ASH1L: variants seen among roughly 807,000 people sequenced by gnomAD.
ASH1L encodes ASH1 like histone lysine methyltransferase.
A neutral mutation model predicts 269.0 loss-of-function variants in ASH1L; 23 were observed. That is an observed-to-expected ratio of 0.09 (90% CI 0.06 to 0.12). ASH1L has a LOEUF of 0.12. Ranked by LOEUF, ASH1L falls within the 10% of genes least tolerant of loss-of-function variation. ASH1L has a pLI of 1.00. For synonymous variants in ASH1L, 1,187 were observed against 1,253.5 expected, an observed-to-expected ratio of 0.95 and a Z score of 1.12; for missense variants, 2,912 against 3,567.8, an observed-to-expected ratio of 0.82 and a Z score of 4.68.
intron 4 of ASH1L, among the ~76,000 whole-genome samples, chr1:155,455,954 G>A (rs954482702): frequency 1.3e-5 from 2 of 152,052 alleles, no homozygotes; most frequent in Admixed American, 1.3e-4. Flanking sequence ...ACATTGTTAA[G>A]TGTCACCTTT....
chr1:155,469,547 C>T (rs1255339011), intron 3 of ASH1L, among the ~76,000 whole-genome samples: 1 of 152,210 alleles, frequency 6.6e-6, no homozygotes. Flanking sequence ...TAAATATTGT[C>T]ATTCCTTCTC....
rs1654045597 is a variant in ASH1L, at chr1:155,352,746, C to T, written c.7326G>A (p.Gln2442=). The change falls in exon 17 of 28, where the codon CAG becomes CAA. Residue 2442 remains glutamine, a synonymous_variant. Coordinates refer to ENST00000392403, the MANE Select transcript of ASH1L (RefSeq NM_018489.3). ...TACCATCACAAATTTCTTTGAAGAT[C>T]TGGGCTAGGCGGGCTGCCCGAGCCA... ...IEVARAARLA[Q]IFKEICDGII... 6.2e-7 allele frequency: 1 copy of T among 1,612,904 alleles called. No homozygotes were observed. Among genetic ancestry groups the T allele is most frequent in the African/African-American group, 1.3e-5 (1 of 74,966 alleles).
rs1662322763 is a variant in ASH1L, at chr1:155,438,909, G to A, written c.5246C>T (p.Pro1749Leu). ...ATASAPPSSSPGRSHSKDRTL... is the reference protein window; with the variant it reads ...ATASAPPSSSLGRSHSKDRTL... ...TCGGTCCTTGCTGTGGCTACGGCCT[G>A]GACTGGAAGAAGGTGGTGCAGAGGC... The change falls in exon 5 of 28, where the codon CCA becomes CTA. Residue 1749 changes from proline (P) to leucine (L), a missense_variant. Around this residue, in one of 13 missense-constraint regions of ASH1L, gnomAD observed 789 missense variants for 897.6 expected, o/e 0.88. Coordinates refer to ENST00000392403, the MANE Select transcript of ASH1L (RefSeq NM_018489.3). The A allele has an allele frequency of 1.2e-6, 2 of 1,614,034 alleles. No homozygotes were observed. The highest frequency in any genetic ancestry group is 1.1e-5 in the South Asian group (1 of 91,088).
intron 2 of ASH1L, among the ~76,000 whole-genome samples, chr1:155,497,388 T>C (rs949673505): frequency 1.8e-4 from 27 of 152,250 alleles, no homozygotes; most frequent in Admixed American, 6.5e-5. Flanking sequence ...CTTCCACCTC[T>C]GCTACCCCTT....
chr1:155,375,496 C>T (rs1035561254), intron 10 of ASH1L, among the ~76,000 whole-genome samples: 11 of 152,024 alleles, frequency 7.2e-5, no homozygotes, highest in Non-Finnish European at 7.4e-5. Flanking sequence ...CCTTGAAAAA[C>T]GAGAGTTGGG....
At chr1:155,495,958 A>G (rs1411421949) in intron 2 of ASH1L, among the ~76,000 whole-genome samples, 1 of 152,160 alleles carries the variant, frequency 6.6e-6, no homozygotes, top group Non-Finnish European at 1.5e-5. Flanking sequence ...AGATCGTGCT[A>G]TTGCACTCCA....
intron 4 of ASH1L, among the ~76,000 whole-genome samples, chr1:155,458,985 T>C (rs531749190): frequency 2.1e-5 from 3 of 144,602 alleles, no homozygotes; most frequent in Admixed American, 7.0e-5. Context: ...ACACACAAAC[T>C]ATCCATAAAA....
rs1197512603 is a variant in ASH1L, at chr1:155,346,449, A to G, written c.7824T>C (p.Cys2608=). 6.2e-6 allele frequency: 10 copies of G among 1,613,918 alleles called. No homozygotes were observed. Among genetic ancestry groups the G allele is most frequent in the Admixed American group, 5.0e-5 (3 of 59,988 alleles). ...DKCMVWQHCD[C]MGVNSDVEHY... ...GCTCCACATCTGAGTTCACTCCCAT[A>G]CAATCACAGTGCTGCCATACCTGTA... The change falls in exon 21 of 28, where the codon TGT becomes TGC. Residue 2608 remains cysteine, a synonymous_variant. Transcript: ENST00000392403.
At chr1:155,394,108 C>A (rs1456432651) in intron 7 of ASH1L, among the ~76,000 whole-genome samples, 2 of 152,028 alleles carry the variant, frequency 1.3e-5, no homozygotes, top group Non-Finnish European at 2.9e-5. Context: ...GAAGCTGATA[C>A]TAACATTAAG....
At chr1:155,485,449 T>C (rs549970751) in intron 2 of ASH1L, among the ~76,000 whole-genome samples, 5 of 152,276 alleles carry the variant, frequency 3.3e-5, no homozygotes, top group East Asian at 3.9e-4. Context: ...GCCTTCTGAG[T>C]AGTTGGGCTA....
intron 3 of ASH1L, among the ~76,000 whole-genome samples, chr1:155,473,947 T>C (rs1464530376): frequency 6.6e-6 from 1 of 152,200 alleles, no homozygotes; most frequent in Non-Finnish European, 1.5e-5. Flanking sequence ...GGGATTCTCC[T>C]GCCTCAGCCT....
chr1:155,413,731 A>C (rs1269777111), intron 6 of ASH1L, among the ~76,000 whole-genome samples: 1 of 152,146 alleles, frequency 6.6e-6, no homozygotes, highest in Admixed American at 6.5e-5. Flanking sequence ...AGGGAATCTT[A>C]GGAATGCATA....
intron 4 of ASH1L, among the ~76,000 whole-genome samples, chr1:155,447,472 C>A (rs940077590): frequency 1.3e-5 from 2 of 152,082 alleles, no homozygotes; most frequent in African/African-American, 4.8e-5. Context: ...TCAGGCAATC[C>A]GCATGCCTCA....
rs41264231 is a variant in ASH1L at position 155,347,891 on chromosome 1, C to T, written c.7568G>A (p.Arg2523His). 1.4e-3 allele frequency: 2,302 copies of T among 1,614,152 alleles called. 15 individuals carry two copies. The highest frequency in any genetic ancestry group is 7.6e-3 in the Middle Eastern group (46 of 6,062). The change falls in exon 20 of 28, where the codon CGT becomes CAT. Residue 2523 changes from arginine to histidine, a missense_variant. By Grantham distance (29) the Arg-to-His change is conservative (BLOSUM62 0). Around this residue, in one of 13 missense-constraint regions of ASH1L, gnomAD observed 309 missense variants for 435.1 expected, o/e 0.71. Coordinates refer to ENST00000392403, the MANE Select transcript of ASH1L (RefSeq NM_018489.3). ...AACATCTCTCCCAACTGGGGATTTA[C>T]GCCCATAGTACTTCTGAAGAAAGCA... ...VFRNAEKYYG[R>H]KSPVGRDVCR...
chr1:155,344,278 T>C lies in ASH1L; in HGVS notation c.7891-5A>G, dbSNP rs766734750. The C allele has an allele frequency of 1.7e-5, 27 of 1,612,538 alleles. No homozygotes were observed. The highest frequency in any genetic ancestry group is 2.1e-5 in the Non-Finnish European group (25 of 1,178,594). On this transcript the variant is annotated splice_polypyrimidine_tract_variant and splice_region_variant and intron_variant, in intron 21 of 27. Coordinates refer to ENST00000392403, the MANE Select transcript of ASH1L (RefSeq NM_018489.3). The stretch of plus-strand genomic sequence containing the variant: ...CCGAGGGATCATGGGAACCTCCTGA[T>C]AGGAGCAGAAAGCCAATGTATAAGG...
At chr1:155,338,035 C>G (rs1652457627) in intron 27 of ASH1L, 54 bp downstream of exon 27, 1 of 1,537,980 alleles carries the variant, frequency 6.5e-7, no homozygotes, top group Non-Finnish European at 8.8e-7. Flanking sequence ...TTTTTCCATT[C>G]CCTCTCATTT....
At chr1:155,368,452 TTTTC>T (rs1186747634) in intron 12 of ASH1L, among the ~76,000 whole-genome samples, 1 of 152,082 alleles carries the variant, frequency 6.6e-6, no homozygotes, top group African/African-American at 2.4e-5. Flanking sequence ...ATGTTTTTCT[TTTTC>T]TTTCTTCTTT....
At chr1:155,549,287 G>A (rs191638413) in intron 1 of ASH1L, among the ~76,000 whole-genome samples, 1 of 152,216 alleles carries the variant, frequency 6.6e-6, no homozygotes, top group African/African-American at 2.4e-5. Flanking sequence ...AGGTTGCAGT[G>A]AGCTATGGCC....
intron 6 of ASH1L, 97 bp from the exon 7 acceptor site, chr1:155,395,650 C>G (rs965516126): frequency 1.4e-6 from 1 of 703,386 alleles, no homozygotes; most frequent in Non-Finnish European, 2.2e-6. Flanking sequence ...GAGAGGGTAC[C>G]AAGTACATTG....
Sources: gnomAD v4.1 joint callset for allele counts (sites outside exome capture counted in the v4.1 genomes callset) on GRCh38, gnomAD v4.1.1 for gene constraint, gnomAD v4.1.1 regional missense constraint, MANE v1.5 for transcripts, NCBI Gene and HGNC (gene_info 2026-07-23, HGNC 2026-07-21) for gene names.